The following BAZ2B variants were observed in gnomAD, a reference collection of about 807,000 sequenced individuals.
BAZ2B encodes the protein bromodomain adjacent to zinc finger domain 2B.
In BAZ2B, 91 loss-of-function variants were observed where a neutral mutation model predicts 246.0. The observed-to-expected ratio is 0.37, with a 90% CI of 0.31 to 0.44. The LOEUF (loss-of-function observed/expected upper bound fraction) is 0.44, where lower values mean the gene tolerates loss of function less well. Ranked by LOEUF, BAZ2B falls within the 20% of genes least tolerant of loss-of-function variation. The pLI is 1.00. For missense variants in BAZ2B, 2,332 were observed against 2,533.7 expected (o/e 0.92, Z 1.71); for synonymous variants, 855 against 860.0 (o/e 0.99, Z 0.10).
At chr2:159,487,618 G>C (rs1053157775) in intron 2 of BAZ2B, among the ~76,000 whole-genome samples, 1 of 152,000 alleles carries the variant, frequency 6.6e-6, no homozygotes, top group Non-Finnish European at 1.5e-5. Flanking sequence ...TAAACATCTA[G>C]ACTCTGACCT....
intron 1 of BAZ2B, among the ~76,000 whole-genome samples, chr2:159,560,218 T>C (rs1324961829): frequency 1.3e-5 from 2 of 152,166 alleles, no homozygotes; most frequent in African/African-American, 4.8e-5. Context: ...AATAAATGAA[T>C]AGAATACCTA....
chr2:159,687,572 C>G, the BAZ2B span, among the ~76,000 whole-genome samples: 1 of 152,246 alleles, frequency 6.6e-6, no homozygotes, highest in Non-Finnish European at 1.5e-5. Flanking sequence ...TCCATGGAGA[C>G]AGAAGCTCCT....
rs755908761 is a variant in BAZ2B at position 159,373,103 on chromosome 2, C to T, written c.4155G>A (p.Arg1385=). 8.1e-6 allele frequency: 13 copies of T among 1,614,052 alleles called. No individual in the cohort carries two copies. Among genetic ancestry groups the T allele is most frequent in the Non-Finnish European group, 1.0e-5 (12 of 1,179,942 alleles). Residue 1385 remains arginine (R), a synonymous_variant, in exon 27 of 37, where the codon CGG becomes CGA. Transcript: ENST00000392783. ...VMFGQDRYRR[R]YWILPQCGGI... is the part of the protein sequence containing the mutation. ...CCCCACATTGGGGAAGAATCCAGTA[C>T]CGGCGTCTGTAACGATCTTGGCCAA...
intron 2 of BAZ2B, among the ~76,000 whole-genome samples, chr2:159,529,561 G>A (rs1013975970): frequency 2.6e-5 from 4 of 152,202 alleles, no homozygotes; most frequent in Non-Finnish European, 5.9e-5. Context: ...CATCTTATTG[G>A]AGAGGTCTTC....
intron 1 of BAZ2B, chr2:159,615,537 G>A (rs925508658): frequency 1.3e-5 from 2 of 152,106 alleles, no homozygotes; most frequent in Non-Finnish European, 2.9e-5. Flanking sequence ...AGCTACACAC[G>A]GGAGAGCTAG....
At chr2:159,428,689 G>A (rs2070463592) in intron 11 of BAZ2B, among the ~76,000 whole-genome samples, 1 of 152,026 alleles carries the variant, frequency 6.6e-6, no homozygotes, top group Non-Finnish European at 1.5e-5. Flanking sequence ...TGACATTTCA[G>A]TAACATGTTA....
intron 2 of BAZ2B, among the ~76,000 whole-genome samples, chr2:159,551,039 T>C (rs1326281219): frequency 2.0e-5 from 3 of 152,146 alleles, no homozygotes; most frequent in Non-Finnish European, 4.4e-5. Flanking sequence ...AGTCTCACTA[T>C]ATTGCCCAGG....
At position 159,412,438 on chromosome 2, in the gene BAZ2B, C is replaced by T; in HGVS notation, c.2574G>A (p.Glu858=). 6.2e-7 allele frequency: 1 copy of T among 1,614,140 alleles called. No individual in the cohort carries two copies. The highest frequency in any genetic ancestry group is 1.3e-5 in the African/African-American group (1 of 75,038). ...CTTTCCGACGTCTCATCCTGGATTC[C>T]TCTCTTGCTCGTTGTCTATCTGGAT... The part of the protein sequence containing the change: ...PPNPDRQRAR[E]ESRMRRRKGR... Residue 858 remains glutamate (E), a synonymous_variant, in exon 14 of 37, where the codon GAG becomes GAA. Coordinates refer to ENST00000392783, the MANE Select transcript of BAZ2B (RefSeq NM_013450.4).
intron 30 of BAZ2B, among the ~76,000 whole-genome samples, chr2:159,348,159 A>C (rs6758703): frequency 6.6e-6 from 1 of 151,562 alleles, no homozygotes; most frequent in African/African-American, 2.4e-5. Context: ...TCTCTACAAA[A>C]AATAAAAAAA....
intron 17 of BAZ2B, among the ~76,000 whole-genome samples, chr2:159,400,367 A>T (rs1039175885): frequency 2.6e-5 from 4 of 152,162 alleles, no homozygotes; most frequent in Admixed American, 2.0e-4. Flanking sequence ...AACTCCACTG[A>T]CTGCTCAGAA....
intron 27 of BAZ2B, among the ~76,000 whole-genome samples, chr2:159,363,188 ATGT>A (rs2059896019): frequency 6.6e-6 from 1 of 152,190 alleles, no homozygotes; most frequent in Non-Finnish European, 1.5e-5. Context: ...ACTGGGGCTG[ATGT>A]TGTAACCCTG....
chr2:159,587,368 C>T (rs1334507323), intron 1 of BAZ2B, among the ~76,000 whole-genome samples: 1 of 152,202 alleles, frequency 6.6e-6, no homozygotes, highest in Non-Finnish European at 1.5e-5. Flanking sequence ...GCACGAGCCA[C>T]CACGCTCGAC....
intron 3 of BAZ2B, among the ~76,000 whole-genome samples, chr2:159,466,475 A>G (rs1029852645): frequency 2.6e-5 from 4 of 152,212 alleles, no homozygotes; most frequent in African/African-American, 9.7e-5. Flanking sequence ...CTTTAAATGC[A>G]GAAGAATTGA....
chr2:159,417,533 T>C (rs760298191), intron 13 of BAZ2B, among the ~76,000 whole-genome samples: 2 of 152,002 alleles, frequency 1.3e-5, no homozygotes, highest in Non-Finnish European at 2.9e-5. Flanking sequence ...GTATTCTTAG[T>C]GAATAATACC....
chr2:159,399,003 G>A, intron 17 of BAZ2B, 109 bp from the exon 18 acceptor site: 1 of 905,256 alleles, frequency 1.1e-6, no homozygotes, highest in Non-Finnish European at 1.7e-6. Context: ...GAAACAGTAT[G>A]TAACACATAT....
chr2:159,587,805 T>C (rs969971316), intron 1 of BAZ2B, among the ~76,000 whole-genome samples: 29 of 152,190 alleles, frequency 1.9e-4, no homozygotes, highest in African/African-American at 6.3e-4. Flanking sequence ...TTCATCTCTG[T>C]AGTTCCAGCA....
rs952617964 is a variant in BAZ2B at position 159,356,811 on chromosome 2, T to C, written c.4214-6454A>G. Among the ~76,000 whole-genome samples the C allele has an allele frequency of 3.9e-5, 6 of 152,132 alleles. No individual in the cohort carries two copies. The South Asian group carries it at 1.2e-3, about 32-fold the overall frequency. ...CAGCAATCTTTGCTGTTCTGCAGCC[T>C]CCGCTGGTGATAACAGGCAAACAAG... is the stretch of plus-strand genomic sequence containing the variant. On this transcript the variant is annotated intron_variant, in intron 27 of 36. Coordinates refer to ENST00000392783, the MANE Select transcript of BAZ2B (RefSeq NM_013450.4).
chr2:159,606,007 C>T (rs1345799949), intron 1 of BAZ2B, among the ~76,000 whole-genome samples: 1 of 152,152 alleles, frequency 6.6e-6, no homozygotes, highest in African/African-American at 2.4e-5. Context: ...CTGCCCTTCC[C>T]TAACCCTTCA....
At chr2:159,624,406 T>C in the BAZ2B span, among the ~76,000 whole-genome samples, 1 of 152,146 alleles carries the variant, frequency 6.6e-6, no homozygotes, top group Non-Finnish European at 1.5e-5. Flanking sequence ...GGGAGACACC[T>C]CCCAGTAGGG....
Sources: gnomAD v4.1 joint callset for allele counts (sites outside exome capture counted in the v4.1 genomes callset) on GRCh38, gnomAD v4.1.1 for gene constraint, MANE v1.5 for transcripts, NCBI Gene and HGNC (gene_info 2026-07-23, HGNC 2026-07-21) for gene names.